CNDP1: variants seen among roughly 807,000 people sequenced by gnomAD.
CNDP1 encodes the protein carnosine dipeptidase 1.
Under a neutral mutation model 58.1 loss-of-function variants are expected in CNDP1, and 44 were observed. That is an observed-to-expected ratio of 0.76 (90% CI 0.60 to 0.97). CNDP1 has a LOEUF of 0.97. CNDP1 is among the 50% of genes least tolerant of loss of function. The pLI is 0.00. For missense variants in CNDP1, 616 were observed against 655.1 expected, an observed-to-expected ratio of 0.94 and a Z score of 0.65; for synonymous variants, 254 against 252.6, an observed-to-expected ratio of 1.01 and a Z score of -0.05.
chr18:74,550,802 AT>A, intron 1 of CNDP1, among the ~76,000 whole-genome samples: 1 of 150,804 alleles, frequency 6.6e-6, no homozygotes, highest in East Asian at 2.0e-4. Context: ...GGGTTTCACC[AT>A]GTTAGCCAGG....
intron 1 of CNDP1, among the ~76,000 whole-genome samples, chr18:74,536,765 G>A (rs944114632): frequency 2.6e-5 from 4 of 152,154 alleles, no homozygotes; most frequent in African/African-American, 7.2e-5. Flanking sequence ...TACCAACAAC[G>A]TATAAGTTTT....
intron 1 of CNDP1, among the ~76,000 whole-genome samples, chr18:74,537,878 A>G (rs1980522878): frequency 6.6e-6 from 1 of 152,208 alleles, no homozygotes; most frequent in African/African-American, 2.4e-5. Context: ...TTAAAACCAT[A>G]GAGTAGAACT....
intron 9 of CNDP1, among the ~76,000 whole-genome samples, chr18:74,579,400 T>C: frequency 7.1e-6 from 1 of 141,108 alleles, no homozygotes; most frequent in Non-Finnish European, 1.5e-5. Context: ...TCCCTTCCCT[T>C]CTTTCTTTTT....
intron 1 of CNDP1, among the ~76,000 whole-genome samples, chr18:74,550,629 T>A (rs1436878257): frequency 6.7e-6 from 1 of 150,180 alleles, no homozygotes; most frequent in Admixed American, 6.7e-5. Flanking sequence ...CAGGCTGGAG[T>A]GCAGTGGTGT....
At chr18:74,547,913 C>T (rs1192762493) in intron 1 of CNDP1, among the ~76,000 whole-genome samples, 1 of 152,164 alleles carries the variant, frequency 6.6e-6, no homozygotes, top group East Asian at 1.9e-4. Flanking sequence ...ATCTAAAAAT[C>T]TAAGAATAAC....
Position 74,556,482 on chromosome 18 carries a change from T to C in CNDP1, c.153+16T>C, listed in dbSNP as rs763127236. ...ATTTGTGCAGGTAGGAGAAAGAAAC[T>C]ACACAACTACACACAGAATGCTTGG... is the stretch of plus-strand genomic sequence containing the variant. On this transcript the variant is annotated intron_variant, in intron 2 of 11. Coordinates refer to ENST00000358821, the MANE Select transcript of CNDP1 (RefSeq NM_032649.6). The C allele has an allele frequency of 1.2e-6, 2 of 1,613,454 alleles. No homozygotes were observed. Among genetic ancestry groups the C allele is most frequent in the Non-Finnish European group, 8.5e-7 (1 of 1,179,430 alleles).
chr18:74,540,314 C>T (rs573078492), intron 1 of CNDP1, among the ~76,000 whole-genome samples: 12 of 152,248 alleles, frequency 7.9e-5, no homozygotes, highest in African/African-American at 2.6e-4. Context: ...CCCACTGCCA[C>T]ACCCAACTAA....
rs1981867552 is a variant in CNDP1, at chr18:74,584,631, T to A, written c.*69T>A. 36 of 1,232,524 alleles carry A rather than the reference T, an allele frequency of 2.9e-5. No individual in the cohort carries two copies. The highest frequency in any genetic ancestry group is 2.8e-4 in the South Asian group (23 of 83,278). 76.3% of individuals were successfully genotyped at this position (1,232,524 alleles called of 1,614,324 possible). ...CCTCCCCCACATCCCTAGACAGGGA[T>A]GGAATGTAAATATCCAGAGAATTTG... On this transcript the variant is annotated 3_prime_UTR_variant, in exon 12 of 12. Coordinates refer to ENST00000358821, the MANE Select transcript of CNDP1 (RefSeq NM_032649.6).
At chr18:74,552,171 C>G (rs1292000031) in intron 1 of CNDP1, among the ~76,000 whole-genome samples, 1 of 152,216 alleles carries the variant, frequency 6.6e-6, no homozygotes, top group Admixed American at 6.5e-5. Context: ...CTTACCTTGA[C>G]CTTGCTTTTA....
intron 5 of CNDP1, among the ~76,000 whole-genome samples, chr18:74,563,465 T>A (rs911766175): frequency 6.6e-6 from 1 of 152,190 alleles, no homozygotes; most frequent in Non-Finnish European, 1.5e-5. Context: ...TTTTGCTTTT[T>A]AAATTTCAAC....
chr18:74,579,988 CGT>C, intron 9 of CNDP1, 140 bp from the exon 10 acceptor site: 10 of 710,868 alleles, frequency 1.4e-5, no homozygotes, highest in Non-Finnish European at 2.3e-6. Flanking sequence ...ACAACACTTG[CGT>C]GTGTCAGGCT....
At chr18:74,540,557 T>C (rs566187762) in intron 1 of CNDP1, among the ~76,000 whole-genome samples, 5 of 152,256 alleles carry the variant, frequency 3.3e-5, no homozygotes, top group Middle Eastern at 3.4e-3. Flanking sequence ...TGGCAACAGC[T>C]CTCTTGGGGA....
At chr18:74,578,117 CT>C (rs1201983893) in intron 8 of CNDP1, 45 bp from the exon 9 acceptor site, 1 of 1,566,422 alleles carries the variant, frequency 6.4e-7, no homozygotes, top group Non-Finnish European at 8.7e-7. Flanking sequence ...CCCAGGTCCA[CT>C]GGGTTCTAAT....
At chr18:74,578,419 C>A (rs569315175) in intron 9 of CNDP1, 92 bp downstream of exon 9, 24 of 1,266,946 alleles carry the variant, frequency 1.9e-5, no homozygotes, top group Non-Finnish European at 2.5e-5. Context: ...AGGTTGCTAC[C>A]ATTGGAGTAT....
intron 2 of CNDP1, among the ~76,000 whole-genome samples, chr18:74,556,900 A>G (rs1030504999): frequency 1.3e-5 from 2 of 152,064 alleles, no homozygotes; most frequent in African/African-American, 4.8e-5. Flanking sequence ...TATCTCCTTC[A>G]TTCATTCATT....
At chr18:74,542,720 G>A (rs1292254267) in intron 1 of CNDP1, among the ~76,000 whole-genome samples, 2 of 152,222 alleles carry the variant, frequency 1.3e-5, no homozygotes, top group East Asian at 3.8e-4. Context: ...CGCTTATGTA[G>A]AGACAGAGTT....
At chr18:74,580,299 C>A in intron 10 of CNDP1, 28 bp downstream of exon 10, 2 of 1,612,290 alleles carry the variant, frequency 1.2e-6, no homozygotes, top group Non-Finnish European at 1.7e-6. Flanking sequence ...TCTGACTGGC[C>A]AATCTGCACT....
intron 2 of CNDP1, among the ~76,000 whole-genome samples, chr18:74,557,738 G>A (rs1435061814): frequency 6.6e-6 from 1 of 152,186 alleles, no homozygotes; most frequent in South Asian, 2.1e-4. Context: ...TCTGGCACAG[G>A]ACAGGCATTC....
intron 1 of CNDP1, among the ~76,000 whole-genome samples, chr18:74,549,514 T>A (rs1980846340): frequency 1.3e-5 from 2 of 152,320 alleles, no homozygotes; most frequent in South Asian, 4.1e-4. Context: ...GCACTTTTTT[T>A]TTTTCTAAAT....
Sources: gnomAD v4.1 joint callset for allele counts (sites outside exome capture counted in the v4.1 genomes callset) on GRCh38, gnomAD v4.1.1 for gene constraint, MANE v1.5 for transcripts, NCBI Gene and HGNC (gene_info 2026-07-23, HGNC 2026-07-21) for gene names.